The following FSIP2 variants were observed in gnomAD, a reference collection of about 807,000 sequenced individuals.
FSIP2 encodes fibrous sheath interacting protein 2.
FSIP2 carries 367 observed loss-of-function variants against 510.5 expected under a neutral mutation model. The ratio of observed to expected loss-of-function variants is 0.72; its 90% CI spans 0.66 to 0.78. The LOEUF (loss-of-function observed/expected upper bound fraction) is 0.78, where lower values mean the gene tolerates loss of function less well. Ranked by LOEUF, FSIP2 falls within the 30% of genes least tolerant of loss-of-function variation. The pLI is 0.00. For synonymous variants in FSIP2, 2,601 were observed against 2,732.2 expected, an observed-to-expected ratio of 0.95 and a Z score of 1.50; for missense variants, 7,594 against 7,901.7, an observed-to-expected ratio of 0.96 and a Z score of 1.48.
intron 13 of FSIP2, among the ~76,000 whole-genome samples, chr2:185,770,445 G>A (rs2105574547): frequency 6.6e-6 from 1 of 152,254 alleles, no homozygotes; most frequent in East Asian, 1.9e-4. Context: ...GGCAGAAGGT[G>A]AAGGGGAAGC....
intron 20 of FSIP2, among the ~76,000 whole-genome samples, chr2:185,825,627 T>G (rs1176725124): frequency 6.6e-6 from 1 of 151,844 alleles, no homozygotes; most frequent in East Asian, 1.9e-4. Context: ...CTAAATTCAG[T>G]GTTTTAATAT....
chr2:185,783,778 T>G (rs1045913841), intron 14 of FSIP2: 1 of 152,246 alleles, frequency 6.6e-6, no homozygotes, highest in African/African-American at 2.4e-5. Context: ...CCTACCTCTT[T>G]AAAGAAAAGG....
Position 185,804,572 on chromosome 2 carries a change from A to G in FSIP2, c.15266A>G (p.Asp5089Gly). ...ESSSYSYPQADNIIRNVLNII... is the reference protein window; with the variant it reads ...ESSSYSYPQAGNIIRNVLNII... ...TCTTCTTATTCGTATCCCCAAGCTG[A>G]TAATATCATCAGAAATGTGCTTAAC... The change falls in exon 17 of 23, where the codon GAT becomes GGT. Residue 5089 changes from aspartate (D) to glycine (G), a missense_variant. Coordinates refer to ENST00000424728, the MANE Select transcript of FSIP2 (RefSeq NM_173651.4). 1 of 1,532,482 alleles carries G rather than the reference A, an allele frequency of 6.5e-7. No individual in the cohort carries two copies. The highest frequency in any genetic ancestry group is 2.4e-5 in the East Asian group (1 of 40,818). 94.9% of individuals were successfully genotyped at this position (1,532,482 alleles called of 1,614,324 possible). A position where few individuals can be genotyped will look rare whatever the true frequency, so the allele number is the denominator to read the frequency against.
Position 185,802,948 on chromosome 2 carries a change from T to G in FSIP2, c.13642T>G (p.Phe4548Val), listed in dbSNP as rs1343426924. 6 of 1,521,756 alleles carry G rather than the reference T, an allele frequency of 3.9e-6. No homozygotes were observed. The highest frequency in any genetic ancestry group is 5.3e-6 in the Non-Finnish European group (6 of 1,141,592). 94.3% of individuals were successfully genotyped at this position (1,521,756 alleles called of 1,614,324 possible). A position where few individuals can be genotyped will look rare whatever the true frequency, so the allele number is the denominator to read the frequency against. The change falls in exon 17 of 23, where the codon TTT becomes GTT. Residue 4548 changes from phenylalanine to valine, a missense_variant. By Grantham distance (50) the Phe-to-Val change is conservative (BLOSUM62 -1). Transcript: ENST00000424728. ...DDIQHLVDSV[F>V]ANVVQTSGSQ... ...TATTCAGCACCTTGTTGATTCAGTA[T>G]TTGCAAATGTTGTGCAAACCTCTGG...
At position 185,786,267 on chromosome 2, in the gene FSIP2, G is replaced by C; in HGVS notation, c.1485G>C (p.Leu495=). 1 of 1,523,246 alleles carries C rather than the reference G, an allele frequency of 6.6e-7. No homozygotes were observed. Among genetic ancestry groups the C allele is most frequent in the African/African-American group, 1.4e-5 (1 of 72,674 alleles). 94.4% of individuals were successfully genotyped at this position (1,523,246 alleles called of 1,614,324 possible). ...TTCTTTACAGGCAACAGAACTTGCT[G>C]CAAAATTGCTTGCAAGAAAAAGTAT... ...PVYTNMQQNL[L]QNCLQEKVTS... is the part of the protein sequence containing the mutation. The change falls in exon 15 of 23, where the codon CTG becomes CTC. Residue 495 remains leucine, a synonymous_variant. Transcript: ENST00000424728.
At position 185,793,883 on chromosome 2, in the gene FSIP2, T is replaced by C. The variant is rs1377481437; in HGVS notation, c.6747T>C (p.Asn2249=). ...CTGCTACTGACTCATGTGAGGAAAA[T>C]GCTAACTTCATTACTAAAACTATTT... is the stretch of plus-strand genomic sequence containing the variant. ...QKSATDSCEE[N]ANFITKTIFK... The change falls in exon 16 of 23, where the codon AAT becomes AAC. Residue 2249 remains asparagine (N), a synonymous_variant. Transcript: ENST00000424728. 3 of 1,530,836 alleles carry C rather than the reference T, an allele frequency of 2.0e-6. No homozygotes were observed. The highest frequency in any genetic ancestry group is 2.6e-6 in the Non-Finnish European group (3 of 1,144,432). The allele number at this position is 1,530,836 out of a possible 1,614,324, so 94.8% of individuals were successfully genotyped here.
In FSIP2 at chr2:185,793,556, G is replaced by A; in HGVS notation, c.6420G>A (p.Lys2140=). The A allele has an allele frequency of 6.5e-7, 1 of 1,534,304 alleles. No individual in the cohort carries two copies. The highest frequency in any genetic ancestry group is 8.7e-7 in the Non-Finnish European group (1 of 1,145,644). ...NSEMFMEGAN[K]IIPKLSVPKS... ...AAATGTTCATGGAGGGTGCAAATAAGATTATTCCTAAGCTTTCAGTTCCTA... is the reference window on the plus strand; with the variant it reads ...AAATGTTCATGGAGGGTGCAAATAAAATTATTCCTAAGCTTTCAGTTCCTA... Residue 2140 remains lysine (K), a synonymous_variant, in exon 16 of 23, where the codon AAG becomes AAA. Coordinates refer to ENST00000424728, the MANE Select transcript of FSIP2 (RefSeq NM_173651.4).
Position 185,788,824 on chromosome 2 carries a change from G to A in FSIP2, c.1688G>A (p.Ser563Asn), listed in dbSNP as rs1418475779. The change falls in exon 16 of 23, where the codon AGT (serine) becomes AAT (asparagine). Residue 563 changes from serine (S) to asparagine (N), a missense_variant. Ser to Asn is a conservative substitution (Grantham distance 46). Coordinates refer to ENST00000424728, the MANE Select transcript of FSIP2 (RefSeq NM_173651.4). Reference sequence around the variant, plus strand: ...AGTTCAAGTTTCTGTAGCACGTGCAGTGAAGACTTTACATATAGAAGCTAC... The same window carrying A: ...AGTTCAAGTTTCTGTAGCACGTGCAATGAAGACTTTACATATAGAAGCTAC... ...SDSSSFCSTC[S>N]EDFTYRSYTS... The A allele has an allele frequency of 2.0e-6, 3 of 1,534,448 alleles. No individual in the cohort carries two copies. The highest frequency in any genetic ancestry group is 2.6e-6 in the Non-Finnish European group (3 of 1,145,794).
chr2:185,739,002 C>A lies in FSIP2; in HGVS notation c.99+9C>A. 1 of 1,530,446 alleles carries A rather than the reference C, an allele frequency of 6.5e-7. No homozygotes were observed. Among genetic ancestry groups the A allele is most frequent in the Non-Finnish European group, 8.7e-7 (1 of 1,145,122 alleles). 94.8% of individuals were successfully genotyped at this position (1,530,446 alleles called of 1,614,324 possible). A position where few individuals can be genotyped will look rare whatever the true frequency, so the allele number is the denominator to read the frequency against. On this transcript the variant is annotated intron_variant, in intron 1 of 22. Coordinates refer to ENST00000424728, the MANE Select transcript of FSIP2 (RefSeq NM_173651.4). ...CCCAGCAGTGCAGAGACGTGAGTGGCCGCAAGCTGGGCGGCGTCGCCCTCT... is the reference window on the plus strand; with the variant it reads ...CCCAGCAGTGCAGAGACGTGAGTGGACGCAAGCTGGGCGGCGTCGCCCTCT...
In FSIP2 at chr2:185,795,559, C is replaced by T; in HGVS notation, c.8423C>T (p.Thr2808Ile). 2 of 1,535,080 alleles carry T rather than the reference C, an allele frequency of 1.3e-6. No individual in the cohort carries two copies. The highest frequency in any genetic ancestry group is 1.7e-6 in the Non-Finnish European group (2 of 1,146,088). ...HLRLSQGNIG[T>I]GSLPKQQACF... Reference sequence around the variant, plus strand: ...AGACTTTCACAGGGGAATATAGGCACAGGATCCCTTCCTAAACAACAAGCA... The same window carrying T: ...AGACTTTCACAGGGGAATATAGGCATAGGATCCCTTCCTAAACAACAAGCA... Residue 2808 changes from threonine (T) to isoleucine (I), a missense_variant, in exon 16 of 23, where the codon ACA becomes ATA. Thr to Ile is a moderately conservative substitution (Grantham distance 89). Transcript: ENST00000424728.
chr2:185,801,083 T>G lies in FSIP2; in HGVS notation c.11777T>G (p.Ile3926Arg), dbSNP rs890313180. Reference sequence around the variant, plus strand: ...AATCCCAGTGTGGTTAGCTCCAAAATACAAGCACCATTTAACAAGCATTGT... The same window carrying G: ...AATCCCAGTGTGGTTAGCTCCAAAAGACAAGCACCATTTAACAAGCATTGT... ...LNNPSVVSSK[I>R]QAPFNKHCAV... Residue 3926 changes from isoleucine (I) to arginine (R), a missense_variant, in exon 17 of 23, where the codon ATA (isoleucine) becomes AGA (arginine). Ile to Arg is a moderately conservative substitution (Grantham distance 97). Coordinates refer to ENST00000424728, the MANE Select transcript of FSIP2 (RefSeq NM_173651.4). 3 of 1,532,386 alleles carry G rather than the reference T, an allele frequency of 2.0e-6. No individual in the cohort carries two copies. Among genetic ancestry groups the G allele is most frequent in the Non-Finnish European group, 2.6e-6 (3 of 1,144,940 alleles). 94.9% of individuals were successfully genotyped at this position (1,532,386 alleles called of 1,614,324 possible). A position where few individuals can be genotyped will look rare whatever the true frequency, so the allele number is the denominator to read the frequency against.
Position 185,813,889 on chromosome 2 carries a change from T to A in FSIP2, c.20172T>A (p.Ser6724Arg). ...GTAAATGTTGTCAGACCACAGCCAG[T>A]GCAAATATTGAAAGTACTGAAGCAA... Reference protein sequence around the residue: ...SLSKCCQTTASANIESTEAIS... With the variant: ...SLSKCCQTTARANIESTEAIS... Residue 6724 changes from serine (S) to arginine (R), a missense_variant, in exon 18 of 23, where the codon AGT becomes AGA. Ser to Arg is a moderately radical substitution (Grantham distance 110, BLOSUM62 -1). Transcript: ENST00000424728. The A allele has an allele frequency of 6.2e-7, 1 of 1,613,656 alleles. No individual in the cohort carries two copies. The highest frequency in any genetic ancestry group is 8.5e-7 in the Non-Finnish European group (1 of 1,179,766).
At chr2:185,827,355 T>C (rs1694031539) in intron 20 of FSIP2, among the ~76,000 whole-genome samples, 1 of 151,826 alleles carries the variant, frequency 6.6e-6, no homozygotes, top group Non-Finnish European at 1.5e-5. Context: ...AATGCATAGT[T>C]TTTTCTTATA....
In FSIP2 at chr2:185,792,933, A is replaced by G. The variant is rs1333754402; in HGVS notation, c.5797A>G (p.Thr1933Ala). The change falls in exon 16 of 23, where the codon ACT becomes GCT. Residue 1933 changes from threonine (T) to alanine (A), a missense_variant. Coordinates refer to ENST00000424728, the MANE Select transcript of FSIP2 (RefSeq NM_173651.4). ...AILTNLETFATSKVKSLFYSQ... is the reference protein window; with the variant it reads ...AILTNLETFAASKVKSLFYSQ... ...ATTAACAAATTTAGAAACTTTTGCT[A>G]CTTCCAAAGTAAAATCTCTCTTTTA... 22 of 1,533,970 alleles carry G rather than the reference A, an allele frequency of 1.4e-5. No individual in the cohort carries two copies. Among genetic ancestry groups the G allele is most frequent in the Admixed American group, 2.0e-5 (1 of 50,846 alleles).
At chr2:185,830,365 T>TA (rs1694084870) in intron 21 of FSIP2, among the ~76,000 whole-genome samples, 1 of 151,866 alleles carries the variant, frequency 6.6e-6, no homozygotes, top group Non-Finnish European at 1.5e-5. Context: ...AATGCTCCAT[T>TA]AAGTAAGGGC....
intron 17 of FSIP2, among the ~76,000 whole-genome samples, chr2:185,813,013 G>T (rs964059854): frequency 3.3e-5 from 5 of 152,016 alleles, no homozygotes; most frequent in African/African-American, 7.2e-5. Context: ...AAGACATGAA[G>T]ATTTATATTT....
chr2:185,817,581 A>C (rs1326617638), intron 19 of FSIP2, among the ~76,000 whole-genome samples: 3 of 152,068 alleles, frequency 2.0e-5, no homozygotes, highest in Non-Finnish European at 4.4e-5. Context: ...TCCAAGGCTC[A>C]AAGTCTCATT....
Position 185,800,235 on chromosome 2 carries a change from C to G in FSIP2, c.10929C>G (p.Pro3643=), listed in dbSNP as rs1468483435. The change falls in exon 17 of 23, where the codon CCC becomes CCG. Residue 3643 remains proline (P), a synonymous_variant. Coordinates refer to ENST00000424728, the MANE Select transcript of FSIP2 (RefSeq NM_173651.4). ...CTATGCATAGAAATAATAGTGTACC[C>G]CTTTGCAACAAAATCAATAGACAGG... is the stretch of plus-strand genomic sequence containing the variant. The part of the protein sequence containing the change: ...SFSMHRNNSV[P]LCNKINRQAS... 1 of 1,532,726 alleles carries G rather than the reference C, an allele frequency of 6.5e-7. No homozygotes were observed. The highest frequency in any genetic ancestry group is 1.2e-5 in the South Asian group (1 of 83,710). 94.9% of individuals were successfully genotyped at this position (1,532,726 alleles called of 1,614,324 possible).
rs1693084567 is a variant in FSIP2 at position 185,790,114 on chromosome 2, A to G, written c.2978A>G (p.Asn993Ser). ...PRSGRPFPPI[N>S]VPGMVLYSDD... ...TCTGGAAGACCATTTCCACCTATAAATGTTCCAGGCATGGTTCTTTATTCT... is the reference window on the plus strand; with the variant it reads ...TCTGGAAGACCATTTCCACCTATAAGTGTTCCAGGCATGGTTCTTTATTCT... The change falls in exon 16 of 23, where the codon AAT (asparagine) becomes AGT (serine). Residue 993 changes from asparagine (N) to serine (S), a missense_variant. Coordinates refer to ENST00000424728, the MANE Select transcript of FSIP2 (RefSeq NM_173651.4). 1 of 1,533,840 alleles carries G rather than the reference A, an allele frequency of 6.5e-7. No individual in the cohort carries two copies. The highest frequency in any genetic ancestry group is 8.7e-7 in the Non-Finnish European group (1 of 1,145,336).
Sources: allele counts gnomAD v4.1 joint callset (sites outside exome capture counted in the v4.1 genomes callset), GRCh38; gene constraint gnomAD v4.1.1; transcripts MANE v1.5; gene names NCBI Gene and HGNC (gene_info 2026-07-23, HGNC 2026-07-21).